Variants in MYH10 observed in about 807,000 individuals in gnomAD.
The protein encoded by MYH10 is myosin heavy chain 10.
A neutral mutation model predicts 257.8 loss-of-function variants in MYH10; 55 were observed. That is an observed-to-expected ratio of 0.21 (90% confidence interval 0.17 to 0.27). The LOEUF (loss-of-function observed/expected upper bound fraction) is 0.27. MYH10 is among the 10% of genes least tolerant of loss of function. The probability of loss-of-function intolerance (pLI) is 1.00; values close to 1 mark genes in which losing one functional copy is unlikely to be tolerated. For synonymous variants in MYH10, 854 were observed against 921.7 expected, an observed-to-expected ratio of 0.93 and a Z score of 1.33; for missense variants, 1,631 against 2,500.6, an observed-to-expected ratio of 0.65 and a Z score of 7.42.
intron 40 of MYH10, among the ~76,000 whole-genome samples, chr17:8,479,834 T>C (rs904235630): frequency 5.3e-5 from 8 of 152,176 alleles, no homozygotes; most frequent in Admixed American, 3.9e-4. Context: ...GAAATCGACT[T>C]TGGGTAGGAG....
intron 2 of MYH10, among the ~76,000 whole-genome samples, chr17:8,616,117 C>A (rs1446857330): frequency 6.6e-6 from 1 of 152,082 alleles, no homozygotes; most frequent in Non-Finnish European, 1.5e-5. Flanking sequence ...AACCCTGTCT[C>A]TACAAAAATA....
rs978013558 is a variant in MYH10, at chr17:8,569,215, C to T, written c.756+505G>A. On this transcript the variant is annotated intron_variant, in intron 7 of 42. Transcript: ENST00000360416. The surrounding 1 kb of genome is among the most constrained non-coding windows in gnomAD (Gnocchi z 4.1). ...CCAGGCTGGGTGACAGAGCAAGACC[C>T]TGTCTCAAAAAAAAAAAAAAATTAA... Among the ~76,000 whole-genome samples, 1 of 58,700 alleles carries T rather than the reference C, an allele frequency of 1.7e-5. No individual in the cohort carries two copies. Among genetic ancestry groups the T allele is most frequent in the African/African-American group, 5.5e-5 (1 of 18,330 alleles). The allele number at this position is 58,700 out of a possible 152,430, so 38.5% of individuals were successfully genotyped here.
intron 16 of MYH10, 50 bp from the exon 17 acceptor site, chr17:8,530,735 A>C: frequency 7.4e-7 from 1 of 1,346,732 alleles, no homozygotes; most frequent in Non-Finnish European, 1.0e-6. Flanking sequence ...ATACACAAAC[A>C]CTTCAGTTAG....
At chr17:8,489,747 C>CACACACA (rs1567784631) in intron 35 of MYH10, among the ~76,000 whole-genome samples, 1 of 79,694 alleles carries the variant, frequency 1.3e-5, no homozygotes, top group African/African-American at 5.9e-5. Flanking sequence ...ACACACACAC[C>CACACACA]CCAAATCCAA....
At position 8,513,645 on chromosome 17, in the gene MYH10, G is replaced by A. The variant is rs777205800; in HGVS notation, c.2638C>T (p.Arg880Cys). Residue 880 changes from arginine to cysteine, a missense_variant, in exon 23 of 43, where the codon CGC (arginine) becomes TGC (cysteine). Around this residue, in one of 11 missense-constraint regions of MYH10, gnomAD observed 116 missense variants for 221.6 expected, o/e 0.52. Transcript: ENST00000360416. ...TTGGCCTGAAGTTCTTCCTCCTGGCGAGTCACTTGTAGAAGCGGCTTCACC... is the reference window on the plus strand; with the variant it reads ...TTGGCCTGAAGTTCTTCCTCCTGGCAAGTCACTTGTAGAAGCGGCTTCACC... Reference protein sequence around the residue: ...TKVKPLLQVTRQEEELQAKDE... With the variant: ...TKVKPLLQVTCQEEELQAKDE... The A allele has an allele frequency of 1.2e-6, 2 of 1,613,150 alleles. No individual in the cohort carries two copies. The highest frequency in any genetic ancestry group is 1.7e-6 in the Non-Finnish European group (2 of 1,179,978).
At chr17:8,618,939 G>A (rs1898279232) in intron 2 of MYH10, among the ~76,000 whole-genome samples, 2 of 152,178 alleles carry the variant, frequency 1.3e-5, no homozygotes, top group Non-Finnish European at 2.9e-5. Context: ...TGAAGTGACA[G>A]GCTCGTTTTG....
At chr17:8,561,228 A>T (rs1404373408) in intron 7 of MYH10, 2 of 815,040 alleles carry the variant, frequency 2.5e-6, no homozygotes, top group East Asian at 4.8e-5. Context: ...CGTGCCTCCA[A>T]GATGACAAAG....
chr17:8,605,950 A>AC (rs1325272159), intron 2 of MYH10, among the ~76,000 whole-genome samples: 5 of 151,398 alleles, frequency 3.3e-5, no homozygotes, highest in Non-Finnish European at 5.9e-5. Flanking sequence ...CATCTGTCTA[A>AC]TTTTTTTTTG....
Position 8,480,201 on chromosome 17 carries a change from C to T in MYH10, c.5506G>A (p.Glu1836Lys), listed in dbSNP as rs779272764. The T allele has an allele frequency of 3.1e-6, 5 of 1,614,172 alleles. No individual in the cohort carries two copies. Among genetic ancestry groups the T allele is most frequent in the South Asian group, 1.1e-5 (1 of 91,086 alleles). The change falls in exon 40 of 43, where the codon GAG becomes AAG. Residue 1836 changes from glutamate to lysine, a missense_variant. Physicochemically the swap from Glu to Lys is moderately conservative, Grantham distance 56. This residue lies in a region of MYH10 where 343 missense variants were observed against 389.5 expected (regional missense o/e 0.88). Transcript: ENST00000360416. ...TTGAACTTAGACTTGACAGCACCCT[C>T]GAGTTCCTGCAGCTTGGCCTTCAGC... ...KELKAKLQEL[E>K]GAVKSKFKAT... is the part of the protein sequence containing the mutation.
chr17:8,560,564 A>AC, intron 7 of MYH10: 3 of 792,438 alleles, frequency 3.8e-6, no homozygotes. Flanking sequence ...AAAGTTCCAA[A>AC]AACAGTGGAA....
At chr17:8,529,264 T>C (rs1271958017) in intron 17 of MYH10, among the ~76,000 whole-genome samples, 1 of 152,222 alleles carries the variant, frequency 6.6e-6, no homozygotes, top group South Asian at 2.1e-4. Flanking sequence ...GACTTAGTGA[T>C]GTTTTGCCTC....
chr17:8,605,987 T>C (rs1254541752), intron 2 of MYH10, among the ~76,000 whole-genome samples: 2 of 152,170 alleles, frequency 1.3e-5, no homozygotes, highest in Admixed American at 6.5e-5. Context: ...GATTTTTTTT[T>C]CTTAAAAATG....
At chr17:8,520,663 C>T (rs1447420378) in intron 19 of MYH10, among the ~76,000 whole-genome samples, 1 of 152,170 alleles carries the variant, frequency 6.6e-6, no homozygotes, top group African/African-American at 2.4e-5. Flanking sequence ...CAGTTCCTAG[C>T]ACACTCCCTT....
At chr17:8,484,066 CT>C (rs1237295520) in intron 37 of MYH10, 71 bp downstream of exon 37, 346 of 1,402,598 alleles carry the variant, frequency 2.5e-4, no homozygotes, top group South Asian at 5.4e-4. Flanking sequence ...AATATATTAA[CT>C]TTTTTTTGAT....
chr17:8,509,343 TG>T (rs1472203623), intron 25 of MYH10, among the ~76,000 whole-genome samples: 1 of 152,220 alleles, frequency 6.6e-6, no homozygotes, highest in African/African-American at 2.4e-5. Flanking sequence ...ATACACTCTA[TG>T]ATGTTTGTAC....
At chr17:8,538,658 A>C (rs1288641034) in intron 14 of MYH10, among the ~76,000 whole-genome samples, 5 of 152,186 alleles carry the variant, frequency 3.3e-5, no homozygotes, top group African/African-American at 1.2e-4. Flanking sequence ...TAGGCAGGGA[A>C]TAAAGGGTCC....
At position 8,512,444 on chromosome 17, in the gene MYH10, T is replaced by C. The variant is rs140819915; in HGVS notation, c.2952+7A>G. 5 of 1,600,980 alleles carry C rather than the reference T, an allele frequency of 3.1e-6. No individual in the cohort carries two copies. The highest frequency in any genetic ancestry group is 3.4e-5 in the Admixed American group (2 of 58,584). ...ATATGCTTCTAAGTAAAAATTATTATACATACCTGAATATGTGCTTGCATT... is the reference window on the plus strand; with the variant it reads ...ATATGCTTCTAAGTAAAAATTATTACACATACCTGAATATGTGCTTGCATT... On this transcript the variant is annotated splice_region_variant and intron_variant, in intron 24 of 42. Coordinates refer to ENST00000360416, the MANE Select transcript of MYH10 (RefSeq NM_001256012.3).
At position 8,490,984 on chromosome 17, in the gene MYH10, A is replaced by C. The variant is rs1364750696; in HGVS notation, c.4672-432T>G. Among the ~76,000 whole-genome samples the C allele has an allele frequency of 2.6e-5, 4 of 152,202 alleles. No homozygotes were observed. The highest frequency in any genetic ancestry group is 5.9e-5 in the Non-Finnish European group (4 of 68,032). On this transcript the variant is annotated intron_variant, in intron 34 of 42. Coordinates refer to ENST00000360416, the MANE Select transcript of MYH10 (RefSeq NM_001256012.3). The surrounding 1 kb of genome is among the most constrained non-coding windows in gnomAD (Gnocchi z 4.1). ...TGAAAAGCACATGTGGAAACTGCTG[A>C]TTATTAGGGTGGCTTGGGCCTAAGA...
rs1395546923 is a variant in MYH10 at position 8,542,170 on chromosome 17, G to C, written c.1542C>G (p.Ile514Met). Reference protein sequence around the residue: ...LEQEEYQREGIEWNFIDFGLD... With the variant: ...LEQEEYQREGMEWNFIDFGLD... Reference sequence around the variant, plus strand: ...GCCCGAAATCGATGAAGTTCCACTCGATGCCTTCGCGCTGGTATTCCTCTT... The same window carrying C: ...GCCCGAAATCGATGAAGTTCCACTCCATGCCTTCGCGCTGGTATTCCTCTT... The change falls in exon 14 of 43, where the codon ATC becomes ATG. Residue 514 changes from isoleucine to methionine, a missense_variant. By Grantham distance (10) the Ile-to-Met change is conservative (BLOSUM62 1). Transcript: ENST00000360416. 3 of 1,614,024 alleles carry C rather than the reference G, an allele frequency of 1.9e-6. No individual in the cohort carries two copies. The highest frequency in any genetic ancestry group is 1.7e-5 in the Admixed American group (1 of 59,992).
Sources: gnomAD v4.1 joint callset for allele counts (sites outside exome capture counted in the v4.1 genomes callset) on GRCh38, gnomAD v4.1.1 for gene constraint, gnomAD v4.1.1 regional missense constraint, Gnocchi (gnomAD v3.1) non-coding constraint, MANE v1.5 for transcripts, NCBI Gene and HGNC (gene_info 2026-07-23, HGNC 2026-07-21) for gene names.